The following EIF4G3 variants were observed in gnomAD, a reference collection of about 807,000 sequenced individuals.
EIF4G3 encodes the protein eIF-4-gamma 3.
A neutral mutation model predicts 186.4 loss-of-function variants in EIF4G3; 34 were observed. The observed-to-expected ratio is 0.18, with a 90% CI of 0.14 to 0.24. EIF4G3 has a LOEUF of 0.24. EIF4G3 is among the 10% of genes least tolerant of loss of function. EIF4G3 has a pLI of 1.00. For missense variants in EIF4G3, 1,536 were observed against 1,948.5 expected (o/e 0.79, Z 3.99); for synonymous variants, 673 against 679.5 (o/e 0.99, Z 0.15).
chr1:20,887,361 C>T (rs1020062391), intron 18 of EIF4G3, among the ~76,000 whole-genome samples: 2 of 151,950 alleles, frequency 1.3e-5, no homozygotes, highest in Admixed American at 6.6e-5. Flanking sequence ...ATTCATTTAA[C>T]GCTTCAGAGA....
intron 2 of EIF4G3, among the ~76,000 whole-genome samples, chr1:21,094,816 TTC>T (rs1282633758): frequency 1.4e-5 from 2 of 143,404 alleles, no homozygotes; most frequent in African/African-American, 5.1e-5. Flanking sequence ...AAGCCAGGAT[TTC>T]TTTTTGTAAA....
intron 3 of EIF4G3, among the ~76,000 whole-genome samples, chr1:21,076,353 T>C (rs2095587024): frequency 6.6e-6 from 1 of 151,678 alleles, no homozygotes; most frequent in Non-Finnish European, 1.5e-5. Flanking sequence ...AAAGCAGTAG[T>C]AAAACGAAAG....
intron 3 of EIF4G3, among the ~76,000 whole-genome samples, chr1:21,076,998 G>A (rs1199158208): frequency 6.6e-6 from 1 of 152,150 alleles, no homozygotes; most frequent in Non-Finnish European, 1.5e-5. Flanking sequence ...ACAGAGTAAA[G>A]AGACAACTTA....
At chr1:20,894,191 C>A (rs1449949920) in intron 17 of EIF4G3, among the ~76,000 whole-genome samples, 1 of 152,106 alleles carries the variant, frequency 6.6e-6, no homozygotes, top group African/African-American at 2.4e-5. Flanking sequence ...TTTGAATAAG[C>A]ATGTAATGTG....
At position 20,852,937 on chromosome 1, in the gene EIF4G3, C is replaced by T. The variant is rs571899295; in HGVS notation, c.3551+623G>A. 2.0e-5 allele frequency among the ~76,000 whole-genome samples: 3 copies of T among 151,974 alleles called. No individual in the cohort carries two copies. In the South Asian group the frequency reaches 6.2e-4, roughly 32 times the overall value. ...ATCGCTTGAGACCAGGAGTTCAATG[C>T]CAGCCTGGGCAACATAGCAAGATGC... On this transcript the variant is annotated intron_variant, in intron 27 of 36. Transcript: ENST00000602326.
At chr1:21,022,537 C>T (rs1338244432) in intron 4 of EIF4G3, among the ~76,000 whole-genome samples, 1 of 152,224 alleles carries the variant, frequency 6.6e-6, no homozygotes, top group African/African-American at 2.4e-5. Context: ...TACCTCACCA[C>T]AACATCAGGC....
intron 2 of EIF4G3, among the ~76,000 whole-genome samples, chr1:21,148,192 C>T (rs1161355817): frequency 6.6e-6 from 1 of 152,078 alleles, no homozygotes; most frequent in East Asian, 1.9e-4. Flanking sequence ...TCTCAATATC[C>T]CAAGTAGCTA....
At chr1:20,910,568 GT>G (rs2093030571) in intron 14 of EIF4G3, among the ~76,000 whole-genome samples, 1 of 152,156 alleles carries the variant, frequency 6.6e-6, no homozygotes, top group South Asian at 2.1e-4. Flanking sequence ...GGGCGACAGT[GT>G]GAGACTCCGA....
At chr1:21,159,157 G>A (rs2097714374) in intron 2 of EIF4G3, among the ~76,000 whole-genome samples, 1 of 152,156 alleles carries the variant, frequency 6.6e-6, no homozygotes, top group African/African-American at 2.4e-5. Context: ...CAAGGGCTGG[G>A]TGCAGTGGCT....
intron 16 of EIF4G3, among the ~76,000 whole-genome samples, chr1:20,896,324 C>A (rs1196815860): frequency 6.6e-6 from 1 of 150,536 alleles, no homozygotes; most frequent in African/African-American, 2.4e-5. Flanking sequence ...GTAGTCCCAG[C>A]TATCAGGTGG....
At chr1:20,828,524 A>G (rs2064246877) in intron 31 of EIF4G3, among the ~76,000 whole-genome samples, 1 of 152,226 alleles carries the variant, frequency 6.6e-6, no homozygotes, top group Non-Finnish European at 1.5e-5. Context: ...TTACTATAGG[A>G]CTGTCATAAA....
At chr1:20,938,123 A>C (rs944525687) in intron 14 of EIF4G3, among the ~76,000 whole-genome samples, 3 of 151,968 alleles carry the variant, frequency 2.0e-5, no homozygotes, top group Admixed American at 6.6e-5. Context: ...CAGCCTCCAG[A>C]ATAGCTGGGA....
chr1:21,130,126 G>A (rs1257172542), intron 2 of EIF4G3, among the ~76,000 whole-genome samples: 1 of 151,090 alleles, frequency 6.6e-6, no homozygotes. Flanking sequence ...TGCAGTGGCT[G>A]TGATTCCAGC....
In EIF4G3 at chr1:20,857,395, A is replaced by T. The variant is rs2075284129; in HGVS notation, c.3339+8T>A. 2 of 1,610,364 alleles carry T rather than the reference A, an allele frequency of 1.2e-6. No homozygotes were observed. The highest frequency in any genetic ancestry group is 3.3e-5 in the Admixed American group (2 of 59,980). On this transcript the variant is annotated splice_region_variant and intron_variant, in intron 25 of 36. Transcript: ENST00000602326. ...GAGCGTAAATTGTACTTTAAATGTC[A>T]GACTCACCTTAGTGATTTTTAGGAA...
chr1:20,959,538 T>C (rs2096523693), intron 12 of EIF4G3, among the ~76,000 whole-genome samples: 1 of 151,482 alleles, frequency 6.6e-6, no homozygotes, highest in African/African-American at 2.4e-5. Context: ...AAATAGAACC[T>C]AATTAAACTA....
chr1:20,896,323 G>C (rs1338836288), intron 16 of EIF4G3, among the ~76,000 whole-genome samples: 1 of 151,180 alleles, frequency 6.6e-6, no homozygotes, highest in African/African-American at 2.4e-5. Flanking sequence ...TGTAGTCCCA[G>C]CTATCAGGTG....
intron 3 of EIF4G3, among the ~76,000 whole-genome samples, chr1:21,074,324 A>G (rs545967318): frequency 6.6e-6 from 1 of 152,266 alleles, no homozygotes; most frequent in South Asian, 2.1e-4. Flanking sequence ...ACATAACTAA[A>G]TATCTCTGGG....
intron 30 of EIF4G3, 134 bp from the exon 31 acceptor site, chr1:20,829,406 A>G: frequency 1.1e-6 from 1 of 939,508 alleles, no homozygotes; most frequent in Non-Finnish European, 1.6e-6. Context: ...CCACAAAGTG[A>G]CTGGTAAATA....
At chr1:21,038,363 C>T (rs937280009) in intron 4 of EIF4G3, among the ~76,000 whole-genome samples, 3 of 152,202 alleles carry the variant, frequency 2.0e-5, no homozygotes, top group Non-Finnish European at 4.4e-5. Flanking sequence ...AAGTATTCTA[C>T]AATGTCTGCA....
Sources: allele counts gnomAD v4.1 joint callset (sites outside exome capture counted in the v4.1 genomes callset), GRCh38; gene constraint gnomAD v4.1.1; transcripts MANE v1.5; gene names NCBI Gene and HGNC (gene_info 2026-07-23, HGNC 2026-07-21).